The following TMEM218 variants were observed in gnomAD, a reference collection of about 807,000 sequenced individuals.
TMEM218 encodes transmembrane protein 218.
TMEM218 carries 8 observed loss-of-function variants against 10.0 expected under a neutral mutation model. The ratio of observed to expected loss-of-function variants is 0.80; its 90% confidence interval spans 0.47 to 1.44. The LOEUF (loss-of-function observed/expected upper bound fraction) is 1.44, where lower values mean the gene tolerates loss of function less well. TMEM218 is among the 40% of genes most tolerant of loss of function. TMEM218 has a pLI of 0.00. For missense variants in TMEM218, 110 were observed against 140.1 expected (o/e 0.79, Z 1.08); for synonymous variants, 66 against 63.5 (o/e 1.04, Z -0.18).
Position 125,108,847 on chromosome 11 carries a change from T to C in TMEM218, c.-153+2692A>G, listed in dbSNP as rs963781281. Reference sequence around the variant, plus strand: ...GCACAGGATGCAGGACAATTCTTCGTTGTGAGGACTGTCCCATACATTACA... The same window carrying C: ...GCACAGGATGCAGGACAATTCTTCGCTGTGAGGACTGTCCCATACATTACA... On this transcript the variant is annotated intron_variant, in intron 1 of 4. Coordinates refer to ENST00000682305, the MANE Select transcript of TMEM218 (RefSeq NM_001258244.2). This position sits in a 1 kb window ranked among gnomAD's most constrained non-coding sequence, Gnocchi z 5.3. Among the ~76,000 whole-genome samples the C allele has an allele frequency of 2.0e-5, 3 of 152,182 alleles. 1 individual carries two copies. The highest frequency in any genetic ancestry group is 2.0e-4 in the Admixed American group (3 of 15,280).
rs748920220 is a variant in TMEM218 at position 125,102,168 on chromosome 11, A to G, written c.74T>C (p.Leu25Pro). ...LALLWVAVLL[L>P]CVLLSRASGA... is the part of the protein sequence containing the mutation. ...GGAGGCTCTGGACAGCAGCACACAC[A>G]GCAGCAGCACTGCCACCCAGAGCAG... The change falls in exon 3 of 5, where the codon CTG (leucine) becomes CCG (proline). Residue 25 changes from leucine (L) to proline (P), a missense_variant. Leu to Pro is a moderately conservative substitution (Grantham distance 98). Coordinates refer to ENST00000682305, the MANE Select transcript of TMEM218 (RefSeq NM_001258244.2). 5 of 1,608,776 alleles carry G rather than the reference A, an allele frequency of 3.1e-6. No homozygotes were observed. The highest frequency in any genetic ancestry group is 1.7e-5 in the Admixed American group (1 of 58,892).
rs1282736207 is a variant in TMEM218 at position 125,096,171 on chromosome 11, A to G, written c.*1435T>C. ...TTCCAAACTAAGTAAGATAAAGGAA[A>G]TGGTTCAATGTAGGGATAACTATAC... is the stretch of plus-strand genomic sequence containing the variant. On this transcript the variant is annotated 3_prime_UTR_variant, in exon 5 of 5. Transcript: ENST00000682305. Among the ~76,000 whole-genome samples, 2 of 152,192 alleles carry G rather than the reference A, an allele frequency of 1.3e-5. No individual in the cohort carries two copies. The highest frequency in any genetic ancestry group is 2.9e-5 in the Non-Finnish European group (2 of 68,042).
At position 125,102,329 on chromosome 11, in the gene TMEM218, G is replaced by A. The variant is rs1951005576; in HGVS notation, c.-76-12C>T. 6.4e-6 allele frequency: 10 copies of A among 1,552,502 alleles called. No homozygotes were observed. The highest frequency in any genetic ancestry group is 7.8e-6 in the Non-Finnish European group (9 of 1,151,964). On this transcript the variant is annotated splice_polypyrimidine_tract_variant and intron_variant, in intron 2 of 4. Transcript: ENST00000682305. Reference sequence around the variant, plus strand: ...TCCAGTGCAACACACTCCCGTGAAAGCATTCAGACAAATACAGAAAGCCTA... The same window carrying A: ...TCCAGTGCAACACACTCCCGTGAAAACATTCAGACAAATACAGAAAGCCTA...
chr11:125,100,937 T>C (rs927534418), intron 4 of TMEM218, among the ~76,000 whole-genome samples: 1 of 152,162 alleles, frequency 6.6e-6, no homozygotes, highest in African/African-American at 2.4e-5. Flanking sequence ...GTTTTCAACT[T>C]GATGCAAACT....
At chr11:125,106,470 T>G (rs1952183013) in intron 1 of TMEM218, among the ~76,000 whole-genome samples, 1 of 152,148 alleles carries the variant, frequency 6.6e-6, no homozygotes, top group Non-Finnish European at 1.5e-5. Flanking sequence ...ATAAAACCAC[T>G]AATTTAGCAG....
At chr11:125,107,312 T>C (rs576146956) in intron 1 of TMEM218, among the ~76,000 whole-genome samples, 1 of 152,280 alleles carries the variant, frequency 6.6e-6, no homozygotes, top group African/African-American at 2.4e-5. Flanking sequence ...TTAGGATTTA[T>C]ATACTTTTCT....
intron 2 of TMEM218, 170 bp from the exon 3 acceptor site, chr11:125,102,487 CT>C (rs1951041088): frequency 6.8e-7 from 1 of 1,461,494 alleles, no homozygotes; most frequent in African/African-American, 1.4e-5. Context: ...AAGCCTTTCT[CT>C]TTGGTGGGGA....
chr11:125,101,287 A>AAAAAATGACAGAGAACCTGGGGT lies in TMEM218; in HGVS notation c.111-7_126dup (p.Leu43ThrfsTer14). 1.9e-6 allele frequency: 3 copies of AAAAAATGACAGAGAACCTGGGGT among 1,612,336 alleles called. No homozygotes were observed. Among genetic ancestry groups the AAAAAATGACAGAGAACCTGGGGT allele is most frequent in the Non-Finnish European group, 2.5e-6 (3 of 1,178,894 alleles). ...GTGATGATCACAGCACCGAAGAATA[A>AAAAAATGACAGAGAACCTGGGGT]AAAAATGACAGAGAACCTGGGGTTA... On this transcript the variant is annotated frameshift_variant, in exon 4 of 5. Transcript: ENST00000682305. LOFTEE classifies it high-confidence loss of function.
chr11:125,107,400 C>G (rs1339365822), intron 1 of TMEM218, among the ~76,000 whole-genome samples: 2 of 151,922 alleles, frequency 1.3e-5, no homozygotes, highest in African/African-American at 4.8e-5. Flanking sequence ...GTATATGGAC[C>G]CTTATTTGGT....
At chr11:125,102,429 A>G (rs2135784981) in intron 2 of TMEM218, 112 bp from the exon 3 acceptor site, 1 of 1,495,740 alleles carries the variant, frequency 6.7e-7, no homozygotes, top group Non-Finnish European at 8.8e-7. Context: ...ATTTTCAGAA[A>G]TGTCCAGTCC....
At chr11:125,106,096 T>C (rs539974673) in intron 1 of TMEM218, among the ~76,000 whole-genome samples, 2 of 151,964 alleles carry the variant, frequency 1.3e-5, no homozygotes, top group South Asian at 2.1e-4. Flanking sequence ...GGTGAATGAG[T>C]ATAGAGTTTC....
In TMEM218 at chr11:125,097,037, C is replaced by T. The variant is rs1268953544; in HGVS notation, c.*569G>A. ...TTCGAAGTGAAAGTCAGCCCTTTAG[C>T]TATTATTTATTGCTTTATTAGAGCA... On this transcript the variant is annotated 3_prime_UTR_variant, in exon 5 of 5. Coordinates refer to ENST00000682305, the MANE Select transcript of TMEM218 (RefSeq NM_001258244.2). 1 of 152,192 alleles carries T rather than the reference C, an allele frequency of 6.6e-6. No individual in the cohort carries two copies. Among genetic ancestry groups the T allele is most frequent in the Non-Finnish European group, 1.5e-5 (1 of 68,034 alleles). 9.4% of individuals were successfully genotyped at this position (152,192 alleles called of 1,614,324 possible). A position where few individuals can be genotyped will look rare whatever the true frequency, so the allele number is the denominator to read the frequency against.
intron 4 of TMEM218, among the ~76,000 whole-genome samples, chr11:125,099,167 G>A (rs1950208315): frequency 3.9e-5 from 6 of 152,170 alleles, no homozygotes. Context: ...GGATCACTGA[G>A]GTCCAAAGAC....
Position 125,102,229 on chromosome 11 carries a change from C to T in TMEM218, c.13G>A (p.Val5Met). MAGT[V>M]LGVGAGVFIL... The stretch of plus-strand genomic sequence containing the variant: ...AACACGCCCGCACCGACTCCGAGCA[C>T]AGTGCCAGCCATCCCGCGGGGAGGC... The change falls in exon 3 of 5, where the codon GTG (valine) becomes ATG (methionine). Residue 5 changes from valine to methionine, a missense_variant. Physicochemically the swap from Val to Met is conservative, Grantham distance 21. Coordinates refer to ENST00000682305, the MANE Select transcript of TMEM218 (RefSeq NM_001258244.2). 8.1e-6 allele frequency: 13 copies of T among 1,612,902 alleles called. No homozygotes were observed. Among genetic ancestry groups the T allele is most frequent in the Non-Finnish European group, 1.1e-5 (13 of 1,179,488 alleles).
chr11:125,105,224 A>G (rs529340644), intron 1 of TMEM218, among the ~76,000 whole-genome samples: 3 of 152,352 alleles, frequency 2.0e-5, no homozygotes, highest in Non-Finnish European at 2.9e-5. Flanking sequence ...GTGAGATTCA[A>G]TACTACCGAT....
intron 3 of TMEM218, chr11:125,101,790 C>G (rs1950853170): frequency 2.1e-6 from 1 of 479,230 alleles, no homozygotes; most frequent in Admixed American, 3.9e-5. Context: ...TTTCGTTTTC[C>G]TGGGTCCAGG....
At chr11:125,107,393 TA>T (rs1245330226) in intron 1 of TMEM218, among the ~76,000 whole-genome samples, 1 of 152,204 alleles carries the variant, frequency 6.6e-6, no homozygotes, top group Admixed American at 6.5e-5. Context: ...ATGTGTAGTA[TA>T]TGGACCCTTA....
chr11:125,104,849 C>G (rs1426493754), intron 1 of TMEM218: 1 of 152,150 alleles, frequency 6.6e-6, no homozygotes, highest in East Asian at 1.9e-4. Flanking sequence ...TAAAATAGAA[C>G]AAGAAGAATT....
Position 125,095,938 on chromosome 11 carries a change from G to A in TMEM218, c.*1668C>T, listed in dbSNP as rs887626770. On this transcript the variant is annotated 3_prime_UTR_variant, in exon 5 of 5. Coordinates refer to ENST00000682305, the MANE Select transcript of TMEM218 (RefSeq NM_001258244.2). Reference sequence around the variant, plus strand: ...ACAATTGGCAGCTTGTGCTTGTTAGGAGCCAAGCTTCCACTTGGGCTGCAG... The same window carrying A: ...ACAATTGGCAGCTTGTGCTTGTTAGAAGCCAAGCTTCCACTTGGGCTGCAG... 1.3e-5 allele frequency among the ~76,000 whole-genome samples: 2 copies of A among 152,108 alleles called. No individual in the cohort carries two copies. Among genetic ancestry groups the A allele is most frequent in the Non-Finnish European group, 2.9e-5 (2 of 68,020 alleles).
Sources: gnomAD v4.1 joint callset for allele counts (sites outside exome capture counted in the v4.1 genomes callset) on GRCh38, gnomAD v4.1.1 for gene constraint, Gnocchi (gnomAD v3.1) non-coding constraint, MANE v1.5 for transcripts, NCBI Gene and HGNC (gene_info 2026-07-23, HGNC 2026-07-21) for gene names.